Variants in UMAD1 observed in about 807,000 individuals in gnomAD.
UMAD1 encodes the protein UBAP1-MVB12-associated (UMA) domain containing 1.
Under a neutral mutation model 6.1 loss-of-function variants are expected in UMAD1, and 8 were observed. That is an observed-to-expected ratio of 1.30 (90% confidence interval 0.76 to 2.35). UMAD1 has a LOEUF of 2.35. UMAD1 is among the 30% of genes most tolerant of loss of function. UMAD1 has a pLI of 0.00. For missense variants in UMAD1, 130 were observed against 78.4 expected, an observed-to-expected ratio of 1.66 and a Z score of -2.49; for synonymous variants, 56 against 31.4, an observed-to-expected ratio of 1.78 and a Z score of -2.61.
intron 1 of UMAD1, among the ~76,000 whole-genome samples, chr7:7,656,352 A>G (rs1219589323): frequency 6.6e-6 from 1 of 152,122 alleles, no homozygotes; most frequent in Non-Finnish European, 1.5e-5. Flanking sequence ...GTTCTGGAGT[A>G]CATGTACAGA....
In UMAD1 at chr7:7,873,650, C is replaced by T. The variant is rs17139037; in HGVS notation, c.157-3631C>T. Among the ~76,000 whole-genome samples the T allele has an allele frequency of 1.9e-3, 285 of 152,244 alleles. 3 individuals carry two copies. Among genetic ancestry groups the T allele is most frequent in the African/African-American group, 6.4e-3 (267 of 41,542 alleles). ...CATGTGCTTTTTAACTTTACTAATTCGAGGTCATCCACTAAAAAATATTTC... is the reference window on the plus strand; with the variant it reads ...CATGTGCTTTTTAACTTTACTAATTTGAGGTCATCCACTAAAAAATATTTC... On this transcript the variant is annotated intron_variant, in intron 3 of 3. Transcript: ENST00000682710.
intron 2 of UMAD1, among the ~76,000 whole-genome samples, chr7:7,694,224 G>A (rs542186568): frequency 7.5e-4 from 114 of 151,958 alleles, no homozygotes; most frequent in African/African-American, 2.6e-3. Context: ...GTACTTATTG[G>A]TAACTTTTTA....
At chr7:7,716,994 G>A (rs1422996801) in intron 2 of UMAD1, among the ~76,000 whole-genome samples, 1 of 151,854 alleles carries the variant, frequency 6.6e-6, no homozygotes, top group Non-Finnish European at 1.5e-5. Flanking sequence ...AAACCCGTTC[G>A]GGACCCCTTC....
intron 3 of UMAD1, among the ~76,000 whole-genome samples, chr7:7,860,604 C>CAAAAAAAAAAAAAAAAAAAAAAAAAAA (rs373823869): frequency 1.1e-5 from 1 of 93,862 alleles, no homozygotes; most frequent in Non-Finnish European, 2.1e-5. Context: ...ACTAAAAATA[C>CAAAAAAAAAAAAAAAAAAAAAAAAAAA]AAAAAAAAAA....
At chr7:7,831,065 G>A (rs1415879380) in intron 3 of UMAD1, among the ~76,000 whole-genome samples, 1 of 152,056 alleles carries the variant, frequency 6.6e-6, no homozygotes, top group Non-Finnish European at 1.5e-5. Context: ...ATATACTTAT[G>A]CATTTATAAG....
At chr7:7,862,299 G>C (rs536869485) in intron 3 of UMAD1, among the ~76,000 whole-genome samples, 10 of 152,188 alleles carry the variant, frequency 6.6e-5, no homozygotes, top group African/African-American at 2.2e-4. Flanking sequence ...ATATGTAGAT[G>C]ATTGAAGTAC....
chr7:7,709,374 C>A (rs1047585126), intron 2 of UMAD1, among the ~76,000 whole-genome samples: 2 of 152,202 alleles, frequency 1.3e-5, no homozygotes, highest in Admixed American at 6.5e-5. Flanking sequence ...TGTCCTCACA[C>A]CATCTCTTAA....
At chr7:7,822,248 A>G (rs938745197) in intron 3 of UMAD1, among the ~76,000 whole-genome samples, 1 of 152,156 alleles carries the variant, frequency 6.6e-6, no homozygotes, top group Non-Finnish European at 1.5e-5. Flanking sequence ...GTCACACTGT[A>G]TGAAAAAGAG....
At chr7:7,676,933 T>G (rs1008781175) in intron 2 of UMAD1, among the ~76,000 whole-genome samples, 6 of 152,144 alleles carry the variant, frequency 3.9e-5, no homozygotes, top group Admixed American at 2.0e-4. Flanking sequence ...GTTTCTCTTT[T>G]TATTATATCA....
chr7:7,703,551 C>G (rs777679570), intron 2 of UMAD1, among the ~76,000 whole-genome samples: 20 of 152,146 alleles, frequency 1.3e-4, no homozygotes, highest in Middle Eastern at 3.2e-3. Flanking sequence ...GGTCCTGACT[C>G]AGGTTTCAGA....
chr7:7,666,174 G>A (rs1368867760), intron 1 of UMAD1, among the ~76,000 whole-genome samples: 1 of 143,700 alleles, frequency 7.0e-6, no homozygotes, highest in Non-Finnish European at 1.5e-5. Flanking sequence ...CCAACACTTG[G>A]GAAAGTGTTT....
At chr7:7,717,970 T>C (rs1780957921) in intron 2 of UMAD1, among the ~76,000 whole-genome samples, 1 of 152,152 alleles carries the variant, frequency 6.6e-6, no homozygotes, top group Non-Finnish European at 1.5e-5. Context: ...GTAGATTCTG[T>C]TTGTCATAGT....
At chr7:7,669,180 T>C (rs867676643) in intron 1 of UMAD1, among the ~76,000 whole-genome samples, 2 of 152,256 alleles carry the variant, frequency 1.3e-5, no homozygotes, top group Middle Eastern at 6.8e-3. Context: ...GGTTTAGTAC[T>C]ATTGTTGGTT....
chr7:7,803,091 G>C (rs1304343740), intron 3 of UMAD1, among the ~76,000 whole-genome samples: 3 of 152,194 alleles, frequency 2.0e-5, no homozygotes, highest in Non-Finnish European at 2.9e-5. Flanking sequence ...TGTGCATGGA[G>C]CTGAATATAT....
chr7:7,788,378 T>G (rs979060469), intron 2 of UMAD1, among the ~76,000 whole-genome samples: 1 of 152,156 alleles, frequency 6.6e-6, no homozygotes, highest in African/African-American at 2.4e-5. Flanking sequence ...TATCATCACA[T>G]TTTACTCTGT....
intron 2 of UMAD1, among the ~76,000 whole-genome samples, chr7:7,753,661 A>G (rs1781721115): frequency 6.6e-6 from 1 of 152,098 alleles, no homozygotes; most frequent in Non-Finnish European, 1.5e-5. Context: ...CGTTTTCTCT[A>G]TCCGTTCATC....
intron 3 of UMAD1, among the ~76,000 whole-genome samples, chr7:7,819,348 A>G (rs1032485979): frequency 6.6e-6 from 1 of 152,224 alleles, no homozygotes; most frequent in Non-Finnish European, 1.5e-5. Flanking sequence ...ATCAAATAAC[A>G]TTCAGCAGTT....
chr7:7,846,514 A>T, intron 3 of UMAD1, among the ~76,000 whole-genome samples: 1 of 152,180 alleles, frequency 6.6e-6, no homozygotes, highest in South Asian at 2.1e-4. Flanking sequence ...TATCACATGT[A>T]TAAAATAAAT....
At chr7:7,666,226 G>C (rs79850304) in intron 1 of UMAD1, among the ~76,000 whole-genome samples, 3,611 of 151,850 alleles carry the variant, frequency 0.024, 154 homozygotes, top group African/African-American at 0.083. Flanking sequence ...TTGTAGATAG[G>C]GTCTCATAGC....
Sources: gnomAD v4.1 joint callset for allele counts (sites outside exome capture counted in the v4.1 genomes callset) on GRCh38, gnomAD v4.1.1 for gene constraint, MANE v1.5 for transcripts, NCBI Gene and HGNC (gene_info 2026-07-23, HGNC 2026-07-21) for gene names.